The following KLHL2 variants were observed in gnomAD, a reference collection of about 807,000 sequenced individuals.
The protein encoded by KLHL2 is kelch-like protein 2.
A neutral mutation model predicts 75.8 loss-of-function variants in KLHL2; 15 were observed. The observed-to-expected ratio is 0.20, with a 90% CI of 0.13 to 0.30. The LOEUF is 0.30. Among genes scored for constraint, KLHL2 ranks in the 10% least tolerant of loss-of-function variants. The probability of loss-of-function intolerance (pLI) is 1.00; values close to 1 mark genes in which losing one functional copy is unlikely to be tolerated. For synonymous variants in KLHL2, 214 were observed against 251.9 expected (o/e 0.85, Z 1.42); for missense variants, 381 against 741.0 (o/e 0.51, Z 5.64).
At chr4:165,253,175 C>A (rs1370797532) in intron 4 of KLHL2, among the ~76,000 whole-genome samples, 1 of 152,140 alleles carries the variant, frequency 6.6e-6, no homozygotes, top group Non-Finnish European at 1.5e-5. Flanking sequence ...GTTGGGATTA[C>A]AGGCACCCAC....
chr4:165,322,187 C>A lies in KLHL2; in HGVS notation c.*127C>A. 2 of 917,662 alleles carry A rather than the reference C, an allele frequency of 2.2e-6. No homozygotes were observed. Among genetic ancestry groups the A allele is most frequent in the Non-Finnish European group, 3.5e-6 (2 of 565,162 alleles). The allele number at this position is 917,662 out of a possible 1,614,324, so 56.8% of individuals were successfully genotyped here. On this transcript the variant is annotated 3_prime_UTR_variant, in exon 15 of 15. Transcript: ENST00000226725. ...TTTAAGTCTCAGCAGAAGATACGATCGTCTGCCTTTATAGGCCTCAGATAC... is the reference window on the plus strand; with the variant it reads ...TTTAAGTCTCAGCAGAAGATACGATAGTCTGCCTTTATAGGCCTCAGATAC...
chr4:165,252,096 A>G (rs903641918), intron 4 of KLHL2, among the ~76,000 whole-genome samples: 4 of 152,228 alleles, frequency 2.6e-5, no homozygotes, highest in African/African-American at 4.8e-5. Flanking sequence ...ATTTATCTTG[A>G]TGAACAAAAA....
intron 5 of KLHL2, among the ~76,000 whole-genome samples, chr4:165,284,970 G>A (rs756378585): frequency 3.9e-5 from 6 of 152,274 alleles, no homozygotes; most frequent in South Asian, 2.1e-4. Context: ...TCACTATCAT[G>A]AGAACAGCAT....
At chr4:165,261,707 T>A (rs1320908475) in intron 4 of KLHL2, among the ~76,000 whole-genome samples, 1 of 152,228 alleles carries the variant, frequency 6.6e-6, no homozygotes, top group Non-Finnish European at 1.5e-5. Flanking sequence ...CTTGAGCCTT[T>A]AGATTCAGGA....
At chr4:165,229,844 A>C (rs1218539170) in intron 3 of KLHL2, among the ~76,000 whole-genome samples, 1 of 152,278 alleles carries the variant, frequency 6.6e-6, no homozygotes, top group Non-Finnish European at 1.5e-5. Flanking sequence ...TACACAGATG[A>C]AGATGAGTGT....
At chr4:165,290,640 G>A (rs1349540690) in intron 5 of KLHL2, among the ~76,000 whole-genome samples, 1 of 152,082 alleles carries the variant, frequency 6.6e-6, no homozygotes, top group East Asian at 1.9e-4. Flanking sequence ...AGATATAGAA[G>A]GTACTTTTGC....
At chr4:165,309,622 A>C (rs1343432974) in intron 9 of KLHL2, among the ~76,000 whole-genome samples, 1 of 152,228 alleles carries the variant, frequency 6.6e-6, no homozygotes, top group African/African-American at 2.4e-5. Context: ...CAGTGTTCCA[A>C]TAAAACTATA....
chr4:165,297,306 C>A (rs963445707), intron 6 of KLHL2, among the ~76,000 whole-genome samples: 4 of 151,894 alleles, frequency 2.6e-5, no homozygotes, highest in Non-Finnish European at 5.9e-5. Context: ...TATGGTCTAA[C>A]ATTTGTTTGT....
At chr4:165,274,833 T>G (rs1342812710) in intron 5 of KLHL2, among the ~76,000 whole-genome samples, 1 of 152,190 alleles carries the variant, frequency 6.6e-6, no homozygotes, top group African/African-American at 2.4e-5. Flanking sequence ...TCAGTATCTT[T>G]AGGGAAAGTA....
chr4:165,254,826 A>C (rs1741034859), intron 4 of KLHL2, among the ~76,000 whole-genome samples: 1 of 152,210 alleles, frequency 6.6e-6, no homozygotes, highest in Non-Finnish European at 1.5e-5. Context: ...TATGTTGAGA[A>C]TATTTGATCA....
intron 3 of KLHL2, 23 bp from the exon 4 acceptor site, chr4:165,238,755 A>C: frequency 6.2e-7 from 1 of 1,611,630 alleles, no homozygotes; most frequent in Middle Eastern, 1.7e-4. Flanking sequence ...CTGTAACATC[A>C]CTCTTATTCC....
rs552157985 is a variant in KLHL2 at position 165,207,945 on chromosome 4, C to A, written c.26+43C>A. 8.3e-6 allele frequency: 11 copies of A among 1,328,236 alleles called. No individual in the cohort carries two copies. The allele number at this position is 1,328,236 out of a possible 1,614,324, so 82.3% of individuals were successfully genotyped here. On this transcript the variant is annotated intron_variant, in intron 1 of 14. Coordinates refer to ENST00000226725, the MANE Select transcript of KLHL2 (RefSeq NM_007246.4). This position sits in a 1 kb window ranked among gnomAD's most constrained non-coding sequence, Gnocchi z 4.2. ...CGGGCTGCGCCGCTGCGGATAAGCG[C>A]GCCGCTGCGGCGCGTGTCGCCGGCC...
intron 6 of KLHL2, among the ~76,000 whole-genome samples, chr4:165,294,994 C>A (rs957599778): frequency 7.2e-5 from 11 of 152,114 alleles, no homozygotes; most frequent in Non-Finnish European, 1.3e-4. Context: ...TCACCCCTGC[C>A]AGTCCGTTCA....
chr4:165,312,593 T>C (rs1251684925), intron 11 of KLHL2, among the ~76,000 whole-genome samples: 1 of 152,152 alleles, frequency 6.6e-6, no homozygotes, highest in Non-Finnish European at 1.5e-5. Context: ...CTGCAATTCA[T>C]TTTAAAACAT....
intron 5 of KLHL2, among the ~76,000 whole-genome samples, chr4:165,269,160 C>T (rs1300691514): frequency 6.6e-6 from 1 of 151,742 alleles, no homozygotes; most frequent in Non-Finnish European, 1.5e-5. Context: ...TTTCCATTTG[C>T]TTGGTAGATC....
chr4:165,219,468 A>G (rs1254986941), intron 1 of KLHL2, among the ~76,000 whole-genome samples: 6 of 152,262 alleles, frequency 3.9e-5, no homozygotes, highest in Admixed American at 6.5e-5. Context: ...GTATAGGTCA[A>G]AATATATGGG....
At position 165,310,538 on chromosome 4, in the gene KLHL2, G is replaced by A. The variant is rs556897865; in HGVS notation, c.1040-15G>A. The A allele has an allele frequency of 8.1e-5, 130 of 1,611,036 alleles. 2 individuals carry two copies. The South Asian group carries it at 1.3e-3, about 17-fold the overall frequency. On this transcript the variant is annotated splice_polypyrimidine_tract_variant and intron_variant, in intron 9 of 14. Transcript: ENST00000226725. Reference sequence around the variant, plus strand: ...AGTTGCATGTTGATCATTAAATGCTGTACTCCTTTTGCAGGCATGGTCTAC... The same window carrying A: ...AGTTGCATGTTGATCATTAAATGCTATACTCCTTTTGCAGGCATGGTCTAC...
chr4:165,248,635 C>T (rs1178930015), intron 4 of KLHL2, among the ~76,000 whole-genome samples: 1 of 152,118 alleles, frequency 6.6e-6, no homozygotes, highest in Non-Finnish European at 1.5e-5. Flanking sequence ...AAGAAATAAA[C>T]TTAGTAGGTC....
intron 5 of KLHL2, among the ~76,000 whole-genome samples, chr4:165,281,495 T>A (rs1743681043): frequency 6.6e-6 from 1 of 152,044 alleles, no homozygotes; most frequent in South Asian, 2.1e-4. Context: ...TTTTGTATTT[T>A]TAGTAGAGAT....
Sources: allele counts gnomAD v4.1 joint callset (sites outside exome capture counted in the v4.1 genomes callset), GRCh38; gene constraint gnomAD v4.1.1; non-coding constraint Gnocchi (gnomAD v3.1); transcripts MANE v1.5; gene names NCBI Gene and HGNC (gene_info 2026-07-23, HGNC 2026-07-21).